Variants in ZNF423 observed in about 807,000 individuals in gnomAD.
The protein encoded by ZNF423 is Ebf-associated zinc finger protein.
A neutral mutation model predicts 95.8 loss-of-function variants in ZNF423; 12 were observed. The ratio of observed to expected loss-of-function variants is 0.13; its 90% CI spans 0.08 to 0.20. ZNF423 has a LOEUF of 0.20. Ranked by LOEUF, ZNF423 falls within the 10% of genes least tolerant of loss-of-function variation. ZNF423 has a pLI of 1.00. For missense variants in ZNF423, 1,316 were observed against 1,737.1 expected (o/e 0.76, Z 4.31); for synonymous variants, 749 against 711.9 (o/e 1.05, Z -0.83).
At chr16:49,823,875 C>A (rs1369467722) in intron 1 of ZNF423, among the ~76,000 whole-genome samples, 4 of 152,010 alleles carry the variant, frequency 2.6e-5, no homozygotes, top group Non-Finnish European at 5.9e-5. Context: ...GTAGGAGGAT[C>A]ACTTGAGCTC....
At chr16:49,849,601 A>G (rs562248286) in intron 1 of ZNF423, among the ~76,000 whole-genome samples, 1 of 152,296 alleles carries the variant, frequency 6.6e-6, no homozygotes, top group South Asian at 2.1e-4. Flanking sequence ...ACTTGTCACA[A>G]TTGAAACCAG....
chr16:49,760,842 CTGCTATATCCAT>C (rs1463000405), intron 2 of ZNF423, among the ~76,000 whole-genome samples: 1 of 151,840 alleles, frequency 6.6e-6, no homozygotes, highest in African/African-American at 2.4e-5. Flanking sequence ...CCCCGACCAT[CTGCTATATCCAT>C]TGCTTCCAAG....
chr16:49,626,012 C>T (rs915737122), intron 5 of ZNF423, among the ~76,000 whole-genome samples, 158 bp downstream of exon 5: 5 of 152,094 alleles, frequency 3.3e-5, no homozygotes, highest in Non-Finnish European at 5.9e-5. Context: ...GGAGAAAGGG[C>T]CCCCATTCTG....
In ZNF423 at chr16:49,579,255, G is replaced by C. The variant is rs574526322; in HGVS notation, c.3601+46915C>G. On this transcript the variant is annotated intron_variant, in intron 5 of 7. Coordinates refer to ENST00000563137, the MANE Select transcript of ZNF423 (RefSeq NM_001379286.1). ...CTGCTGCCCCACCCCAGCCCCTGGT[G>C]GTAGCTGCCTACCCTCCAGAAGGTC... 2.6e-3 allele frequency among the ~76,000 whole-genome samples: 375 copies of C among 143,932 alleles called. 6 individuals carry two copies. The highest frequency in any genetic ancestry group is 9.2e-3 in the African/African-American group (351 of 38,312). The allele number at this position is 143,932 out of a possible 152,430, so 94.4% of individuals were successfully genotyped here. A position where few individuals can be genotyped will look rare whatever the true frequency, so the allele number is the denominator to read the frequency against.
chr16:49,539,071 G>T (rs1313476883), intron 5 of ZNF423, among the ~76,000 whole-genome samples: 1 of 152,160 alleles, frequency 6.6e-6, no homozygotes, highest in Non-Finnish European at 1.5e-5. Context: ...GGGAAGAGAG[G>T]TGTCATCCCT....
At chr16:49,606,927 C>A (rs1297267553) in intron 5 of ZNF423, among the ~76,000 whole-genome samples, 3 of 152,022 alleles carry the variant, frequency 2.0e-5, no homozygotes, top group Non-Finnish European at 2.9e-5. Flanking sequence ...TGGGGGTCTG[C>A]AGGGAGAGGA....
At chr16:49,728,188 T>A (rs2033076358) in intron 3 of ZNF423, among the ~76,000 whole-genome samples, 1 of 152,094 alleles carries the variant, frequency 6.6e-6, no homozygotes, top group South Asian at 2.1e-4. Flanking sequence ...GCATTCCAGG[T>A]AGGGAACTGT....
intron 4 of ZNF423, among the ~76,000 whole-genome samples, chr16:49,634,923 G>A (rs1972631861): frequency 6.6e-6 from 1 of 152,264 alleles, no homozygotes; most frequent in Admixed American, 6.5e-5. Context: ...CCCAAGTCAG[G>A]GTCCATTTCT....
chr16:49,676,290 G>A (rs2031045687), intron 3 of ZNF423, among the ~76,000 whole-genome samples: 2 of 152,194 alleles, frequency 1.3e-5, no homozygotes, highest in Non-Finnish European at 2.9e-5. Context: ...ACGCACACGG[G>A]CATGTGGCTG....
At chr16:49,642,475 C>T (rs2356612) in intron 3 of ZNF423, among the ~76,000 whole-genome samples, 41,290 of 151,992 alleles carry the variant, frequency 0.27, 6,209 homozygotes, top group African/African-American at 0.4. Flanking sequence ...TAAAGCAAAG[C>T]GTATTATTCT....
At chr16:49,580,252 C>A (rs1044513496) in intron 5 of ZNF423, among the ~76,000 whole-genome samples, 1 of 152,148 alleles carries the variant, frequency 6.6e-6, no homozygotes, top group African/African-American at 2.4e-5. Context: ...CGGTCACTCC[C>A]CACACTCTAG....
chr16:49,755,701 T>C lies in ZNF423; in HGVS notation c.101-24730A>G, dbSNP rs145648465. ...TGCTCTTTTGTGCCTCTACGAACCC[T>C]CTGTAAATTGTAGTTGGTTAAAAAA... On this transcript the variant is annotated intron_variant, in intron 2 of 7. Coordinates refer to ENST00000563137, the MANE Select transcript of ZNF423 (RefSeq NM_001379286.1). Among the ~76,000 whole-genome samples the C allele has an allele frequency of 4.3e-3, 661 of 152,240 alleles. 3 individuals carry two copies. The highest frequency in any genetic ancestry group is 7.1e-3 in the Non-Finnish European group (486 of 68,012).
chr16:49,766,711 G>A (rs2033935399), intron 2 of ZNF423, among the ~76,000 whole-genome samples: 1 of 152,202 alleles, frequency 6.6e-6, no homozygotes, highest in Non-Finnish European at 1.5e-5. Context: ...TCTGCATCTC[G>A]GCAATAAAAG....
intron 5 of ZNF423, among the ~76,000 whole-genome samples, chr16:49,562,006 T>A (rs2041608677): frequency 6.6e-6 from 1 of 152,226 alleles, no homozygotes; most frequent in Non-Finnish European, 1.5e-5. Flanking sequence ...TTTAAGAGAC[T>A]AGACAACAGT....
At chr16:49,594,858 G>A (rs926299704) in intron 5 of ZNF423, among the ~76,000 whole-genome samples, 23 of 152,210 alleles carry the variant, frequency 1.5e-4, no homozygotes, top group Non-Finnish European at 2.8e-4. Flanking sequence ...CAGGAGCTAC[G>A]ACAGGCACAC....
intron 1 of ZNF423, among the ~76,000 whole-genome samples, chr16:49,838,892 A>G (rs940349835): frequency 2.6e-5 from 4 of 151,314 alleles, no homozygotes; most frequent in African/African-American, 7.3e-5. Flanking sequence ...CGCGTTCCCA[A>G]TGCCGCCGCC....
At chr16:49,547,796 C>T (rs1476034508) in intron 5 of ZNF423, among the ~76,000 whole-genome samples, 6 of 152,230 alleles carry the variant, frequency 3.9e-5, no homozygotes, top group African/African-American at 1.2e-4. Context: ...TGCAACCACA[C>T]GCCTGGCATC....
intron 5 of ZNF423, among the ~76,000 whole-genome samples, chr16:49,539,384 A>G (rs1429970110): frequency 6.6e-6 from 1 of 152,002 alleles, no homozygotes; most frequent in African/African-American, 2.4e-5. Flanking sequence ...ATACCCCCTC[A>G]TTTGCTCATC....
intron 1 of ZNF423, among the ~76,000 whole-genome samples, chr16:49,819,763 C>T (rs1435909794): frequency 6.6e-6 from 1 of 152,052 alleles, no homozygotes; most frequent in Non-Finnish European, 1.5e-5. Context: ...TACAGATGGT[C>T]CCTGACTTAA....
Sources: allele counts gnomAD v4.1 joint callset (sites outside exome capture counted in the v4.1 genomes callset), GRCh38; gene constraint gnomAD v4.1.1; transcripts MANE v1.5; gene names NCBI Gene and HGNC (gene_info 2026-07-23, HGNC 2026-07-21).